CARHSP1: variants seen among roughly 807,000 people sequenced by gnomAD.
CARHSP1 encodes calcium-regulated heat-stable protein 1.
Under a neutral mutation model 12.5 loss-of-function variants are expected in CARHSP1, and 14 were observed. The observed-to-expected ratio is 1.12, with a 90% confidence interval of 0.74 to 1.75. The LOEUF is 1.75. Ranked by LOEUF, CARHSP1 falls within the 40% of genes most tolerant of loss-of-function variation. The pLI, the probability that CARHSP1 is intolerant of heterozygous loss-of-function variation, is 0.00. For missense variants in CARHSP1, 343 were observed against 201.6 expected (o/e 1.70, Z -4.25); for synonymous variants, 161 against 82.0 (o/e 1.96, Z -5.20).
At chr16:8,855,431 A>G (rs1180496102) in intron 3 of CARHSP1, 105 bp from the exon 4 acceptor site, 7 of 1,045,822 alleles carry the variant, frequency 6.7e-6, no homozygotes, top group Non-Finnish European at 9.0e-6. Flanking sequence ...AGCAGGCACC[A>G]TCTGACCAAC....
rs1034476932 is a variant in CARHSP1 at position 8,853,584 on chromosome 16, T to C, written c.*1580A>G. On this transcript the variant is annotated 3_prime_UTR_variant, in exon 4 of 4. Transcript: ENST00000311052. ...ACCTACCTGATGAAGCTGTTCATGC[T>C]TCCAGCATCAAACTGGACGTTTACT... The C allele has an allele frequency of 6.6e-6, 1 of 152,238 alleles. No individual in the cohort carries two copies. Among genetic ancestry groups the C allele is most frequent in the African/African-American group, 2.4e-5 (1 of 41,462 alleles). The allele number at this position is 152,238 out of a possible 1,614,324, so 9.4% of individuals were successfully genotyped here.
chr16:8,858,651 G>T, intron 2 of CARHSP1, 179 bp from the exon 3 acceptor site: 1 of 726,694 alleles, frequency 1.4e-6, no homozygotes, highest in East Asian at 2.8e-5. Flanking sequence ...AGACGCTGGG[G>T]GAAAGGACTC....
chr16:8,856,196 C>G (rs1596523589), intron 3 of CARHSP1, among the ~76,000 whole-genome samples: 2 of 152,128 alleles, frequency 1.3e-5, no homozygotes, highest in Admixed American at 1.3e-4. Context: ...AGGAAGGTTC[C>G]CTTACTTTCT....
Position 8,854,530 on chromosome 16 carries a change from G to A in CARHSP1, c.*634C>T, listed in dbSNP as rs746833699. ...AGTGCTGGGAGAACTGTCTTCCCCAGACAGGCAGCTATGCCGCCTCCCACT... is the reference window on the plus strand; with the variant it reads ...AGTGCTGGGAGAACTGTCTTCCCCAAACAGGCAGCTATGCCGCCTCCCACT... On this transcript the variant is annotated 3_prime_UTR_variant, in exon 4 of 4. Transcript: ENST00000311052. 1 of 152,712 alleles carries A rather than the reference G, an allele frequency of 6.5e-6. No homozygotes were observed. The highest frequency in any genetic ancestry group is 1.5e-5 in the Non-Finnish European group (1 of 68,112). The allele number at this position is 152,712 out of a possible 1,614,324, so 9.5% of individuals were successfully genotyped here.
chr16:8,856,406 A>C (rs1437124033), intron 3 of CARHSP1, among the ~76,000 whole-genome samples: 1 of 152,190 alleles, frequency 6.6e-6, no homozygotes, highest in Non-Finnish European at 1.5e-5. Context: ...TCAGAAATAA[A>C]TCTGCAGCCT....
chr16:8,866,925 C>T (rs1218284665), intron 1 of CARHSP1, among the ~76,000 whole-genome samples: 7 of 152,150 alleles, frequency 4.6e-5, no homozygotes, highest in African/African-American at 1.4e-4. Context: ...GCTCTTCCGC[C>T]CTCAGGAGCC....
At position 8,855,330 on chromosome 16, in the gene CARHSP1, C is replaced by A; in HGVS notation, c.282-4G>T. On this transcript the variant is annotated splice_region_variant and splice_polypyrimidine_tract_variant and intron_variant, in intron 3 of 3. Transcript: ENST00000311052. ...TGGGACATACTCCCCTTCCACACTA[C>A]GGGGGCATAAATAAAGCAGTCAGGG... 1 of 1,564,560 alleles carries A rather than the reference C, an allele frequency of 6.4e-7. No individual in the cohort carries two copies. Among genetic ancestry groups the A allele is most frequent in the Non-Finnish European group, 8.7e-7 (1 of 1,150,768 alleles).
intron 1 of CARHSP1, among the ~76,000 whole-genome samples, chr16:8,863,669 G>A (rs1431547950): frequency 1.3e-5 from 2 of 152,124 alleles, no homozygotes; most frequent in Non-Finnish European, 2.9e-5. Context: ...AGTAGGCCTG[G>A]CCAAGGGCCA....
At chr16:8,860,532 C>T (rs1450479635) in intron 1 of CARHSP1, 30 of 985,412 alleles carry the variant, frequency 3.0e-5, no homozygotes, top group South Asian at 4.7e-5. Context: ...GTCAGAGGCC[C>T]TTGGGTAAGT....
At chr16:8,864,084 C>T (rs1010610036) in intron 1 of CARHSP1, among the ~76,000 whole-genome samples, 1 of 152,224 alleles carries the variant, frequency 6.6e-6, no homozygotes, top group African/African-American at 2.4e-5. Context: ...CCAAATGTCA[C>T]GACCAAGGTG....
rs1567181234 is a variant in CARHSP1, at chr16:8,857,281, T to TGTTTTTTTTTG, written c.281+1068_281+1069insCAAAAAAAAAC. Among the ~76,000 whole-genome samples, 514 of 123,066 alleles carry TGTTTTTTTTTG rather than the reference T, an allele frequency of 4.2e-3. 18 individuals are homozygous for TGTTTTTTTTTG. Among genetic ancestry groups the TGTTTTTTTTTG allele is most frequent in the South Asian group, 7.2e-3 (23 of 3,208 alleles). The allele number at this position is 123,066 out of a possible 152,430, so 80.7% of individuals were successfully genotyped here. Reference sequence around the variant, plus strand: ...CAGATCTGTTTTTTTTTTTTTTTTTTTTTTTTTTTTTTTTTTTTGAGATGG... The same window carrying TGTTTTTTTTTG: ...CAGATCTGTTTTTTTTTTTTTTTTTTGTTTTTTTTTGTTTTTTTTTTTTTTTTTTGAGATGG... On this transcript the variant is annotated intron_variant, in intron 3 of 3. Transcript: ENST00000311052.
chr16:8,862,773 G>A (rs143411006), intron 1 of CARHSP1, among the ~76,000 whole-genome samples: 215 of 152,274 alleles, frequency 1.4e-3, no homozygotes, highest in African/African-American at 4.5e-3. Context: ...CAGGAAAGGC[G>A]GTGGAAAGGG....
intron 3 of CARHSP1, among the ~76,000 whole-genome samples, chr16:8,855,544 C>CTTCCCTGGGACTT (rs2061073177): frequency 6.6e-6 from 1 of 152,206 alleles, no homozygotes; most frequent in Non-Finnish European, 1.5e-5. Context: ...CAATCAGCTC[C>CTTCCCTGGGACTT]TTCCCTGGGA....
intron 3 of CARHSP1, among the ~76,000 whole-genome samples, chr16:8,857,281 T>TTTTG (rs756606571): frequency 3.3e-5 from 4 of 123,068 alleles, no homozygotes; most frequent in Admixed American, 1.6e-4. Context: ...TTTTTTTTTT[T>TTTTG]TTTTTTTTTT....
chr16:8,854,896 C>G lies in CARHSP1; in HGVS notation c.*268G>C, dbSNP rs1377385218. The G allele has an allele frequency of 6.7e-6, 2 of 300,100 alleles. No homozygotes were observed. The highest frequency in any genetic ancestry group is 1.2e-5 in the Non-Finnish European group (2 of 163,532). The allele number at this position is 300,100 out of a possible 1,614,324, so 18.6% of individuals were successfully genotyped here. ...GGATGGGGTTGGAACCTCCACTCAG[C>G]CACCAGTGGGCACCTCTCCTTTTTA... On this transcript the variant is annotated 3_prime_UTR_variant, in exon 4 of 4. Transcript: ENST00000311052.
intron 1 of CARHSP1, among the ~76,000 whole-genome samples, chr16:8,862,010 T>TTTTTTTTTTTTTTTTTTTA (rs2061370623): frequency 8.5e-6 from 1 of 117,382 alleles, no homozygotes; most frequent in Non-Finnish European, 1.8e-5. Flanking sequence ...TTTTTTTTTT[T>TTTTTTTTTTTTTTTTTTTA]TTTTTTTAAT....
At chr16:8,862,782 G>C (rs2061388999) in intron 1 of CARHSP1, among the ~76,000 whole-genome samples, 1 of 152,150 alleles carries the variant, frequency 6.6e-6, no homozygotes, top group Non-Finnish European at 1.5e-5. Flanking sequence ...CGGTGGAAAG[G>C]GTAGGGCCCG....
Position 8,855,323 on chromosome 16 carries a change from C to A in CARHSP1, c.285G>T (p.Val95=). The A allele has an allele frequency of 1.3e-6, 2 of 1,597,416 alleles. No homozygotes were observed. Among genetic ancestry groups the A allele is most frequent in the South Asian group, 1.1e-5 (1 of 88,550 alleles). Residue 95 remains valine, a synonymous_variant, in exon 4 of 4, where the codon GTG becomes GTT. Transcript: ENST00000311052. ...CTTCCACTGGGACATACTCCCCTTC[C>A]ACACTACGGGGGCATAAATAAAGCA... ...GPDIFLHISD[V]EGEYVPVEGD... is the part of the protein sequence containing the mutation.
chr16:8,858,591 T>C lies in CARHSP1; in HGVS notation c.159-119A>G. 3 of 1,256,482 alleles carry C rather than the reference T, an allele frequency of 2.4e-6. No homozygotes were observed. In the South Asian group the frequency reaches 4.4e-5, roughly 18 times the overall value. 77.8% of individuals were successfully genotyped at this position (1,256,482 alleles called of 1,614,324 possible). ...CCCTGGCCAGGACCGCCATGTACAG[T>C]CACACAGGCTGAGGACTGCACAACC... On this transcript the variant is annotated intron_variant, in intron 2 of 3. Coordinates refer to ENST00000311052, the MANE Select transcript of CARHSP1 (RefSeq NM_014316.4).
Sources: gnomAD v4.1 joint callset for allele counts (sites outside exome capture counted in the v4.1 genomes callset) on GRCh38, gnomAD v4.1.1 for gene constraint, MANE v1.5 for transcripts, NCBI Gene and HGNC (gene_info 2026-07-23, HGNC 2026-07-21) for gene names.